ATAT1: variants seen among roughly 807,000 people sequenced by gnomAD.
ATAT1 encodes alpha-tubulin N-acetyltransferase 1.
In ATAT1, 42 loss-of-function variants were observed where a neutral mutation model predicts 57.2. The observed-to-expected ratio is 0.73, with a 90% CI of 0.57 to 0.95. ATAT1 has a LOEUF of 0.95. ATAT1 is among the 40% of genes least tolerant of loss of function. The pLI, the probability that ATAT1 is intolerant of heterozygous loss-of-function variation, is 0.00. For synonymous variants in ATAT1, 168 were observed against 187.1 expected (o/e 0.90, Z 0.83); for missense variants, 454 against 523.7 (o/e 0.87, Z 1.30).
Position 30,628,116 on chromosome 6 carries a change from G to C in ATAT1, c.370G>C (p.Gly124Arg). The change falls in exon 5 of 13, where the codon GGG (glycine) becomes CGG (arginine). Residue 124 changes from glycine (G) to arginine (R), a missense_variant. Coordinates refer to ENST00000330083, the MANE Select transcript of ATAT1 (RefSeq NM_001031722.4). ...TGAGTCTGTGCAACGCCATGGCCAT[G>C]GGCGAGAACTCTTCCAGTATATGTT... The C allele has an allele frequency of 6.2e-7, 1 of 1,612,930 alleles. No individual in the cohort carries two copies. The highest frequency in any genetic ancestry group is 1.1e-5 in the South Asian group (1 of 91,078).
intron 10 of ATAT1, among the ~76,000 whole-genome samples, chr6:30,645,390 A>AT (rs905282585): frequency 6.6e-6 from 1 of 151,780 alleles, no homozygotes; most frequent in African/African-American, 2.4e-5. Flanking sequence ...TAGTTTGTGT[A>AT]TTTTTAGTAG....
intron 10 of ATAT1, chr6:30,644,222 T>A (rs1279225697): frequency 2.0e-6 from 2 of 985,760 alleles, no homozygotes; most frequent in Non-Finnish European, 2.4e-6. Flanking sequence ...GGAGATTGGC[T>A]GACACCACCA....
At chr6:30,643,082 T>C (rs1765870471) in intron 10 of ATAT1, 71 bp downstream of exon 10, 6 of 1,534,416 alleles carry the variant, frequency 3.9e-6, no homozygotes, top group African/African-American at 1.4e-5. Context: ...AAAGGGCAAT[T>C]TGAATCCATC....
intron 8 of ATAT1, chr6:30,641,902 C>G: frequency 7.9e-7 from 1 of 1,269,272 alleles, no homozygotes; most frequent in East Asian, 3.5e-5. Context: ...CTGCCCTTCT[C>G]CTGCATCTCC....
chr6:30,628,895 A>ACACAACCCT, intron 6 of ATAT1, among the ~76,000 whole-genome samples: 1 of 143,116 alleles, frequency 7.0e-6, no homozygotes, highest in African/African-American at 2.6e-5. Context: ...GAGCCACCGC[A>ACACAACCCT]TCTGACTTTT....
chr6:30,641,997 C>T, intron 8 of ATAT1, 179 bp from the exon 9 acceptor site: 2 of 1,472,348 alleles, frequency 1.4e-6, no homozygotes, highest in Non-Finnish European at 1.8e-6. Context: ...CAGTGTTCCA[C>T]ATTCCCCTCA....
chr6:30,643,128 G>A (rs1258828963), intron 10 of ATAT1, 117 bp downstream of exon 10: 11 of 1,511,374 alleles, frequency 7.3e-6, no homozygotes, highest in Non-Finnish European at 8.8e-6. Context: ...GGCTTGGGGG[G>A]GGTCCTGAAA....
At chr6:30,638,561 C>T (rs1484208176) in intron 6 of ATAT1, among the ~76,000 whole-genome samples, 1 of 151,884 alleles carries the variant, frequency 6.6e-6, no homozygotes, top group Non-Finnish European at 1.5e-5. Context: ...TGATCCACCA[C>T]GCCTGGCCCC....
In ATAT1 at chr6:30,642,921, G is replaced by C. The variant is rs746108286; in HGVS notation, c.842G>C (p.Arg281Pro). 1 of 1,612,234 alleles carries C rather than the reference G, an allele frequency of 6.2e-7. No homozygotes were observed. Among genetic ancestry groups the C allele is most frequent in the Admixed American group, 1.7e-5 (1 of 59,612 alleles). ...TTTGTGCCAGAGCAGGAGCTGCTGC[G>C]TTCCTTGCGCCTCTGCCCCCCACAC... The change falls in exon 10 of 13, where the codon CGT becomes CCT. Residue 281 changes from arginine to proline, a missense_variant. Arg to Pro is a moderately radical substitution (Grantham distance 103). Transcript: ENST00000330083.
chr6:30,643,808 C>G lies in ATAT1; in HGVS notation c.932+797C>G, dbSNP rs1485692193. The G allele has an allele frequency of 4.7e-5, 63 of 1,336,822 alleles. No individual in the cohort carries two copies. In the Middle Eastern group the frequency reaches 1.1e-3, roughly 24 times the overall value. 82.8% of individuals were successfully genotyped at this position (1,336,822 alleles called of 1,614,324 possible). Reference sequence around the variant, plus strand: ...ACTTGGGCTCTGAATACTTTCCCAACAGGAAGTCTGATCTGTTGCCAGACT... The same window carrying G: ...ACTTGGGCTCTGAATACTTTCCCAAGAGGAAGTCTGATCTGTTGCCAGACT... On this transcript the variant is annotated intron_variant, in intron 10 of 12. Transcript: ENST00000330083.
chr6:30,627,714 A>G lies in ATAT1; in HGVS notation c.211A>G (p.Ser71Gly), dbSNP rs954316588. 1.2e-6 allele frequency: 2 copies of G among 1,612,910 alleles called. No individual in the cohort carries two copies. The highest frequency in any genetic ancestry group is 8.5e-7 in the Non-Finnish European group (1 of 1,179,880). The change falls in exon 3 of 13, where the codon AGT becomes GGT. Residue 71 changes from serine (S) to glycine (G), a missense_variant. Ser to Gly is a moderately conservative substitution (Grantham distance 56). Coordinates refer to ENST00000330083, the MANE Select transcript of ATAT1 (RefSeq NM_001031722.4). ...CCATGTTGTTTATATTCTCAAAGACAGTTCAGCCCGACCGTGAGTGCCACA... is the reference window on the plus strand; with the variant it reads ...CCATGTTGTTTATATTCTCAAAGACGGTTCAGCCCGACCGTGAGTGCCACA...
intron 10 of ATAT1, chr6:30,644,259 G>T (rs1238170148): frequency 2.0e-6 from 2 of 985,718 alleles, no homozygotes; most frequent in Non-Finnish European, 2.4e-6. Flanking sequence ...ATTCTCTGAG[G>T]GAGGTTGTTT....
chr6:30,633,685 G>C, intron 6 of ATAT1: 1 of 211,240 alleles, frequency 4.7e-6, no homozygotes, highest in Non-Finnish European at 1.1e-5. Flanking sequence ...AGGACTTCAA[G>C]GAGAAGTTGT....
In ATAT1 at chr6:30,642,197, C is replaced by T. The variant is rs1561927012; in HGVS notation, c.638C>T (p.Pro213Leu). ...CCAGCTCCAGCAAGGAAGCTGCCAC[C>T]CAAGAGAGCAGAGGGAGACATCAAG... is the stretch of plus-strand genomic sequence containing the variant. The change falls in exon 9 of 13, where the codon CCC (proline) becomes CTC (leucine). Residue 213 changes from proline to leucine, a missense_variant. This residue lies in a region of ATAT1 where 236 missense variants were observed against 284.5 expected (regional missense o/e 0.83). Coordinates refer to ENST00000330083, the MANE Select transcript of ATAT1 (RefSeq NM_001031722.4). 1.2e-6 allele frequency: 2 copies of T among 1,613,982 alleles called. No individual in the cohort carries two copies. Among genetic ancestry groups the T allele is most frequent in the Admixed American group, 1.7e-5 (1 of 59,988 alleles).
chr6:30,641,529 C>G (rs1466212296), intron 8 of ATAT1, among the ~76,000 whole-genome samples: 1 of 152,148 alleles, frequency 6.6e-6, no homozygotes, highest in African/African-American at 2.4e-5. Context: ...TGGAGAATCT[C>G]TTGAGAGGGA....
In ATAT1 at chr6:30,627,179, G is replaced by A. The variant is rs1024967461; in HGVS notation, c.-25G>A. ...GCTTGGATCTGTGACCTTTCACCCC[G>A]GGCCCAAAATGTCCCAATCAAAGGA... is the stretch of plus-strand genomic sequence containing the variant. On this transcript the variant is annotated 5_prime_UTR_variant, in exon 1 of 13. Coordinates refer to ENST00000330083, the MANE Select transcript of ATAT1 (RefSeq NM_001031722.4). 6.2e-7 allele frequency: 1 copy of A among 1,613,698 alleles called. No individual in the cohort carries two copies. The highest frequency in any genetic ancestry group is 1.3e-5 in the African/African-American group (1 of 75,036).
At chr6:30,630,561 G>A (rs1046073886) in intron 6 of ATAT1, among the ~76,000 whole-genome samples, 11 of 148,794 alleles carry the variant, frequency 7.4e-5, no homozygotes, top group African/African-American at 1.7e-4. Context: ...ACTTGAACCC[G>A]GGAGGCAGAG....
At position 30,646,679 on chromosome 6, in the gene ATAT1, C is replaced by T. The variant is rs1274837735; in HGVS notation, c.*36C>T. ...GTCAAACATCTTCAAAGTATTATTT[C>T]TCCCTCACTACAGGAAAGAGCCAAA... On this transcript the variant is annotated 3_prime_UTR_variant, in exon 13 of 13. Coordinates refer to ENST00000330083, the MANE Select transcript of ATAT1 (RefSeq NM_001031722.4). 7 of 1,507,248 alleles carry T rather than the reference C, an allele frequency of 4.6e-6. No individual in the cohort carries two copies. The highest frequency in any genetic ancestry group is 6.2e-6 in the Non-Finnish European group (7 of 1,121,506). The allele number at this position is 1,507,248 out of a possible 1,614,324, so 93.4% of individuals were successfully genotyped here.
chr6:30,642,955 C>A lies in ATAT1; in HGVS notation c.876C>A (p.Ala292=), dbSNP rs766012604. ...GCCTCTGCCCCCCACACCCTACCGC[C>A]CGCCTTCTGTTGGCTGCTGACCCTG... Residue 292 remains alanine (A), a synonymous_variant, in exon 10 of 13, where the codon GCC becomes GCA. Transcript: ENST00000330083. 4.4e-5 allele frequency: 71 copies of A among 1,613,950 alleles called. 1 individual carries two copies. Among genetic ancestry groups the A allele is most frequent in the Non-Finnish European group, 5.8e-5 (69 of 1,180,026 alleles).
Sources: gnomAD v4.1 joint callset for allele counts (sites outside exome capture counted in the v4.1 genomes callset) on GRCh38, gnomAD v4.1.1 for gene constraint, gnomAD v4.1.1 regional missense constraint, MANE v1.5 for transcripts, NCBI Gene and HGNC (gene_info 2026-07-23, HGNC 2026-07-21) for gene names.